PTPRD: variants seen among roughly 807,000 people sequenced by gnomAD.
The protein encoded by PTPRD is receptor-type tyrosine-protein phosphatase delta.
PTPRD carries 34 observed loss-of-function variants against 214.5 expected under a neutral mutation model. The ratio of observed to expected loss-of-function variants is 0.16; its 90% CI spans 0.12 to 0.21. The LOEUF (loss-of-function observed/expected upper bound fraction) is 0.21, where lower values mean the gene tolerates loss of function less well. PTPRD is among the 10% of genes least tolerant of loss of function. The pLI is 1.00. For synonymous variants in PTPRD, 1,128 were observed against 845.7 expected, an observed-to-expected ratio of 1.33 and a Z score of -5.79; for missense variants, 2,545 against 2,398.7, an observed-to-expected ratio of 1.06 and a Z score of -1.27.
intron 2 of PTPRD, among the ~76,000 whole-genome samples, chr9:10,450,637 A>T (rs1288586852): frequency 6.6e-6 from 1 of 151,942 alleles, no homozygotes; most frequent in Admixed American, 6.5e-5. Context: ...TTAAAATTTG[A>T]TCATATATTT....
intron 33 of PTPRD, among the ~76,000 whole-genome samples, chr9:8,459,239 T>C (rs994852039): frequency 6.6e-6 from 1 of 152,012 alleles, no homozygotes; most frequent in African/African-American, 2.4e-5. Flanking sequence ...AGATTAAGCA[T>C]GTAAGCAAGA....
At chr9:8,970,387 C>T (rs2099229786) in intron 11 of PTPRD, among the ~76,000 whole-genome samples, 1 of 151,776 alleles carries the variant, frequency 6.6e-6, no homozygotes, top group Non-Finnish European at 1.5e-5. Context: ...CAGAAAGAAA[C>T]TTGGTCTTGA....
At position 9,935,562 on chromosome 9, in the gene PTPRD, C is replaced by A. The variant is rs570526235; in HGVS notation, c.-368+2945G>T. 2.8e-3 allele frequency among the ~76,000 whole-genome samples: 432 copies of A among 151,918 alleles called. 2 individuals carry two copies. The highest frequency in any genetic ancestry group is 9.8e-3 in the African/African-American group (406 of 41,294). ...CCAAGGAGAACTACAAACCAATGCT[C>A]AAGGAAATAAAAGAGGATACAAACA... On this transcript the variant is annotated intron_variant, in intron 5 of 45. Transcript: ENST00000381196.
chr9:10,410,003 A>G (rs563468039), intron 2 of PTPRD, among the ~76,000 whole-genome samples: 78 of 151,786 alleles, frequency 5.1e-4, no homozygotes, highest in African/African-American at 1.8e-3. Context: ...ACTCACAGAA[A>G]CTGTGTAATT....
chr9:9,746,057 T>C (rs1331305418), intron 6 of PTPRD, among the ~76,000 whole-genome samples: 1 of 152,086 alleles, frequency 6.6e-6, no homozygotes. Context: ...AGAAACCAAG[T>C]TTCCTCAGGA....
intron 44 of PTPRD, among the ~76,000 whole-genome samples, chr9:8,322,805 C>G (rs1403313347): frequency 6.6e-6 from 1 of 152,124 alleles, no homozygotes; most frequent in African/African-American, 2.4e-5. Flanking sequence ...ACTTTGATAG[C>G]TACAGAGGAG....
At chr9:9,587,792 G>A (rs1421303655) in intron 7 of PTPRD, among the ~76,000 whole-genome samples, 1 of 151,918 alleles carries the variant, frequency 6.6e-6, no homozygotes, top group Non-Finnish European at 1.5e-5. Flanking sequence ...TCATATGTGG[G>A]AGCTAAACAA....
chr9:9,933,141 C>T (rs1044766704), intron 5 of PTPRD, among the ~76,000 whole-genome samples: 17 of 152,146 alleles, frequency 1.1e-4, no homozygotes, highest in African/African-American at 3.6e-4. Context: ...ATGTAAAGAC[C>T]ATCGAGACTA....
At chr9:9,610,566 T>G (rs1394210880) in intron 7 of PTPRD, among the ~76,000 whole-genome samples, 1 of 152,162 alleles carries the variant, frequency 6.6e-6, no homozygotes, top group Admixed American at 6.5e-5. Flanking sequence ...TACCTTGGAA[T>G]AGATGGGGGA....
In PTPRD at chr9:9,585,443, G is replaced by T. The variant is rs570650821; in HGVS notation, c.-286-10662C>A. Among the ~76,000 whole-genome samples the T allele has an allele frequency of 7.2e-5, 11 of 152,062 alleles. No homozygotes were observed. In the South Asian group the frequency reaches 2.3e-3, roughly 32 times the overall value. The stretch of plus-strand genomic sequence containing the variant: ...TATTTCTAGACCTGAATGTATTTCT[G>T]GCCTAGGTGCTACTTTCCAAACTTC... On this transcript the variant is annotated intron_variant, in intron 7 of 45. Coordinates refer to ENST00000381196, the MANE Select transcript of PTPRD (RefSeq NM_002839.4).
chr9:8,664,021 C>T (rs2097123213), intron 12 of PTPRD, among the ~76,000 whole-genome samples: 1 of 151,996 alleles, frequency 6.6e-6, no homozygotes, highest in Non-Finnish European at 1.5e-5. Flanking sequence ...AAAAATATTT[C>T]CTGCAGTCTT....
intron 7 of PTPRD, among the ~76,000 whole-genome samples, chr9:9,617,555 G>A (rs1284814343): frequency 6.6e-6 from 1 of 151,924 alleles, no homozygotes; most frequent in African/African-American, 2.4e-5. Flanking sequence ...GTATTTCGTT[G>A]AATGAAAAAA....
chr9:8,604,466 G>C (rs1342214245), intron 14 of PTPRD, among the ~76,000 whole-genome samples: 1 of 152,172 alleles, frequency 6.6e-6, no homozygotes, highest in Non-Finnish European at 1.5e-5. Flanking sequence ...CCTGACAAGA[G>C]CATGAAGTAC....
intron 11 of PTPRD, among the ~76,000 whole-genome samples, chr9:8,799,262 T>C (rs755847658): frequency 1.6e-4 from 24 of 152,198 alleles, no homozygotes; most frequent in Non-Finnish European, 2.1e-4. Flanking sequence ...TCCTTAAAGG[T>C]TTCCTCAAGG....
intron 8 of PTPRD, among the ~76,000 whole-genome samples, chr9:9,451,972 T>C (rs922042413): frequency 2.0e-5 from 3 of 150,564 alleles, no homozygotes; most frequent in Admixed American, 1.3e-4. Context: ...TAGAAAGAGA[T>C]AGCAAAAAGA....
At chr9:9,833,694 T>G (rs2055783776) in intron 5 of PTPRD, among the ~76,000 whole-genome samples, 1 of 149,178 alleles carries the variant, frequency 6.7e-6, no homozygotes, top group East Asian at 2.1e-4. Context: ...GGGGGGCAGT[T>G]CAGAGACCTA....
intron 5 of PTPRD, among the ~76,000 whole-genome samples, chr9:9,841,785 C>T (rs2058382819): frequency 1.3e-5 from 2 of 151,952 alleles, no homozygotes; most frequent in Admixed American, 6.6e-5. Flanking sequence ...AATGCATAAC[C>T]CATACACACA....
intron 41 of PTPRD, among the ~76,000 whole-genome samples, chr9:8,340,751 TACTTAAG>T (rs1487907784): frequency 8.8e-6 from 1 of 114,164 alleles, no homozygotes; most frequent in Non-Finnish European, 1.9e-5. Context: ...TCATACAAAT[TACTTAAG>T]AAACACTTAG....
Position 8,319,871 on chromosome 9 carries a change from T to C in PTPRD, c.5630A>G (p.Lys1877Arg). 1 of 1,613,216 alleles carries C rather than the reference T, an allele frequency of 6.2e-7. No homozygotes were observed. Among genetic ancestry groups the C allele is most frequent in the Non-Finnish European group, 8.5e-7 (1 of 1,179,464 alleles). The change falls in exon 45 of 46, where the codon AAA (lysine) becomes AGA (arginine). Residue 1877 changes from lysine to arginine, a missense_variant. Transcript: ENST00000381196. ...EGVVDIFQTV[K>R]MLRTQRPAMV... ...AGCTGGTCGTTGTGTTCTTAACATT[T>C]TGACAGTCTGGAAGATATCTACAAC...
Sources: allele counts gnomAD v4.1 joint callset (sites outside exome capture counted in the v4.1 genomes callset), GRCh38; gene constraint gnomAD v4.1.1; transcripts MANE v1.5; gene names NCBI Gene and HGNC (gene_info 2026-07-23, HGNC 2026-07-21).